Variants in ZPBP observed in about 807,000 individuals in gnomAD.
ZPBP encodes the protein zona pellucida-binding protein 1.
Under a neutral mutation model 44.8 loss-of-function variants are expected in ZPBP, and 26 were observed. The ratio of observed to expected loss-of-function variants is 0.58; its 90% CI spans 0.43 to 0.81. ZPBP has a LOEUF of 0.81. Among genes scored for constraint, ZPBP ranks in the 30% least tolerant of loss-of-function variants. ZPBP has a pLI of 0.00. For missense variants in ZPBP, 409 were observed against 434.0 expected, an observed-to-expected ratio of 0.94 and a Z score of 0.51; for synonymous variants, 174 against 153.2, an observed-to-expected ratio of 1.14 and a Z score of -1.00.
chr7:49,934,189 T>G (rs1293163774), downstream of ZPBP, among the ~76,000 whole-genome samples: 1 of 152,112 alleles, frequency 6.6e-6, no homozygotes. Flanking sequence ...GGCTTCATCC[T>G]CAAGCTGGTT....
intron 4 of ZPBP, among the ~76,000 whole-genome samples, chr7:50,046,531 A>G (rs922041589): frequency 6.6e-6 from 1 of 152,214 alleles, no homozygotes; most frequent in Non-Finnish European, 1.5e-5. Flanking sequence ...GTGGACAACA[A>G]ACATATGAAA....
intron 6 of ZPBP, among the ~76,000 whole-genome samples, chr7:49,997,719 G>C (rs1223777802): frequency 6.6e-6 from 1 of 152,152 alleles, no homozygotes; most frequent in Non-Finnish European, 1.5e-5. Context: ...AGGCCCCACT[G>C]TAGGTGGAAC....
chr7:50,029,851 T>TTGTTGTTGTTGC (rs1799517654), intron 5 of ZPBP, among the ~76,000 whole-genome samples: 1 of 42,878 alleles, frequency 2.3e-5, no homozygotes, highest in Non-Finnish European at 4.5e-5. Context: ...GTTGCTGTTG[T>TTGTTGTTGTTGC]TGTTGTTGTT....
chr7:49,888,684 G>C (rs1406568619), intron 2 of ZPBP, among the ~76,000 whole-genome samples: 2 of 152,194 alleles, frequency 1.3e-5, no homozygotes, highest in African/African-American at 4.8e-5. Context: ...GCCTAGGTGG[G>C]TGGATCACCT....
At chr7:49,907,281 G>A (rs1458779726) in intron 1 of ZPBP, among the ~76,000 whole-genome samples, 1 of 152,186 alleles carries the variant, frequency 6.6e-6, no homozygotes, top group Admixed American at 6.5e-5. Context: ...TAGGAATGAA[G>A]TGGAGAGGAT....
intron 2 of ZPBP, among the ~76,000 whole-genome samples, chr7:49,865,256 T>C (rs1456340453): frequency 6.6e-6 from 1 of 152,176 alleles, no homozygotes; most frequent in South Asian, 2.1e-4. Flanking sequence ...GGAACAGTGA[T>C]GAAAGAGTTG....
Position 49,966,900 on chromosome 7 carries a change from C to G in ZPBP, c.961+16442G>C, listed in dbSNP as rs1467230649. ...TCCCATGGCATACACAGGAGACCCA[C>G]AAGATTTTTCAGAATGCTTTATCAA... On this transcript the variant is annotated intron_variant, in intron 7 of 7. Coordinates refer to ENST00000046087, the MANE Select transcript of ZPBP (RefSeq NM_007009.3). 2.0e-5 allele frequency among the ~76,000 whole-genome samples: 3 copies of G among 152,018 alleles called. No homozygotes were observed. In the East Asian group the frequency reaches 5.8e-4, roughly 29 times the overall value.
chr7:50,078,639 G>T (rs990533838), intron 3 of ZPBP, among the ~76,000 whole-genome samples: 2 of 151,378 alleles, frequency 1.3e-5, no homozygotes, highest in Non-Finnish European at 3.0e-5. Flanking sequence ...ACACCACTCT[G>T]AACATAGGCA....
chr7:50,019,758 T>C (rs1446304957), intron 5 of ZPBP, among the ~76,000 whole-genome samples: 3 of 152,118 alleles, frequency 2.0e-5, no homozygotes, highest in Non-Finnish European at 2.9e-5. Flanking sequence ...TATGAGGTAC[T>C]ATACAATATT....
At chr7:50,033,793 A>G (rs933241996) in intron 4 of ZPBP, among the ~76,000 whole-genome samples, 2 of 151,992 alleles carry the variant, frequency 1.3e-5, no homozygotes, top group Non-Finnish European at 2.9e-5. Context: ...CCCAAGTTCA[A>G]GTGATTCTCC....
intron 2 of ZPBP, among the ~76,000 whole-genome samples, chr7:49,882,830 CTTCTATTTTTTGTGTTTTTGGGTTTTT>C (rs1198192949): frequency 3.0e-4 from 45 of 152,042 alleles, no homozygotes; most frequent in Admixed American, 2.8e-3. Context: ...TCAACTACAT[CTTCTATTTTTTGTGTTTTTGGGTTTTT>C]TTTGTTTTTG....
chr7:49,941,093 A>C (rs1329920791), intron 7 of ZPBP, among the ~76,000 whole-genome samples: 1 of 152,196 alleles, frequency 6.6e-6, no homozygotes, highest in African/African-American at 2.4e-5. Flanking sequence ...TCAAAGCTAC[A>C]ATGAGATATC....
chr7:49,946,487 CT>C (rs1562792971), intron 7 of ZPBP, among the ~76,000 whole-genome samples: 2 of 151,726 alleles, frequency 1.3e-5, no homozygotes, highest in African/African-American at 4.8e-5. Flanking sequence ...CAAATTTTTT[CT>C]TTTTTTTCCT....
chr7:50,036,455 A>G (rs1051445093), intron 4 of ZPBP, among the ~76,000 whole-genome samples: 1 of 152,172 alleles, frequency 6.6e-6, no homozygotes, highest in Non-Finnish European at 1.5e-5. Flanking sequence ...TGGCCAATAA[A>G]TATGTTTAAT....
chr7:49,872,067 G>T (rs1298527663), intron 2 of ZPBP, among the ~76,000 whole-genome samples: 1 of 151,272 alleles, frequency 6.6e-6, no homozygotes, highest in African/African-American at 2.4e-5. Context: ...CTAAGTAGAT[G>T]AATAATATAT....
At chr7:50,080,127 C>T (rs1426226477) in intron 3 of ZPBP, among the ~76,000 whole-genome samples, 1 of 151,662 alleles carries the variant, frequency 6.6e-6, no homozygotes. Flanking sequence ...ATGATAAGTA[C>T]AGTGCAGTTT....
intron 6 of ZPBP, among the ~76,000 whole-genome samples, chr7:49,997,833 A>G (rs901649077): frequency 2.0e-5 from 3 of 152,170 alleles, no homozygotes; most frequent in South Asian, 2.1e-4. Context: ...AATATTTTCA[A>G]TTTCATCAGT....
rs144747833 is a variant in ZPBP, at chr7:50,031,200, T to C, written c.598A>G (p.Lys200Glu). The C allele has an allele frequency of 1.7e-5, 27 of 1,613,732 alleles. No homozygotes were observed. Among genetic ancestry groups the C allele is most frequent in the South Asian group, 3.3e-5 (3 of 91,068 alleles). The change falls in exon 5 of 8, where the codon AAA becomes GAA. Residue 200 changes from lysine (K) to glutamate (E), a missense_variant. Lys to Glu is a moderately conservative substitution (Grantham distance 56). Coordinates refer to ENST00000046087, the MANE Select transcript of ZPBP (RefSeq NM_007009.3). ...TCACATGAAAGGTCAAGAAGCAGTT[T>C]GCTTAAAATCTGAAGAAGTTTCTTC... is the stretch of plus-strand genomic sequence containing the variant. ...FEKKLLQILS[K>E]LLLDLSCEIS...
At chr7:49,993,157 A>G (rs1267109990) in intron 6 of ZPBP, among the ~76,000 whole-genome samples, 1 of 152,134 alleles carries the variant, frequency 6.6e-6, no homozygotes, top group Admixed American at 6.5e-5. Context: ...TAAGGTAAAA[A>G]AAGTTTAATC....
Sources: gnomAD v4.1 joint callset for allele counts (sites outside exome capture counted in the v4.1 genomes callset) on GRCh38, gnomAD v4.1.1 for gene constraint, MANE v1.5 for transcripts, NCBI Gene and HGNC (gene_info 2026-07-23, HGNC 2026-07-21) for gene names.